The following DYRK3 variants were observed in gnomAD, a reference collection of about 807,000 sequenced individuals.
DYRK3 encodes dual specificity tyrosine-phosphorylation-regulated kinase 3.
A neutral mutation model predicts 40.8 loss-of-function variants in DYRK3; 30 were observed. The observed-to-expected ratio is 0.74, with a 90% CI of 0.55 to 1.00. DYRK3 has a LOEUF of 1.00. Among genes scored for constraint, DYRK3 ranks in the 50% least tolerant of loss-of-function variants. The pLI, the probability that DYRK3 is intolerant of heterozygous loss-of-function variation, is 0.00. For synonymous variants in DYRK3, 272 were observed against 260.7 expected, an observed-to-expected ratio of 1.04 and a Z score of -0.42; for missense variants, 699 against 731.5, an observed-to-expected ratio of 0.96 and a Z score of 0.51.
intron 2 of DYRK3, among the ~76,000 whole-genome samples, chr1:206,646,663 T>G (rs1671464763): frequency 6.6e-6 from 1 of 152,166 alleles, no homozygotes; most frequent in Non-Finnish European, 1.5e-5. Context: ...TTGAGCACGT[T>G]GTTGATTCCA....
intron 1 of DYRK3, chr1:206,636,099 T>G: frequency 6.8e-7 from 1 of 1,466,058 alleles, no homozygotes; most frequent in Admixed American, 1.8e-5. Flanking sequence ...TTGTGGGGCT[T>G]TTTATTAAAG....
chr1:206,637,726 A>T lies in DYRK3; in HGVS notation c.154A>T (p.Asn52Tyr), dbSNP rs782677168. The T allele has an allele frequency of 6.2e-7, 1 of 1,614,046 alleles. No individual in the cohort carries two copies. The highest frequency in any genetic ancestry group is 8.5e-7 in the Non-Finnish European group (1 of 1,179,926). Reference sequence around the variant, plus strand: ...TCCCCCCTGTTCAAATGTACTCTGCAATCCTTCTGAACCACCTCCACCCAG... The same window carrying T: ...TCCCCCCTGTTCAAATGTACTCTGCTATCCTTCTGAACCACCTCCACCCAG... The part of the protein sequence containing the change: ...KCPPCSNVLC[N>Y]PSEPPPPRRL... The change falls in exon 2 of 3, where the codon AAT becomes TAT. Residue 52 changes from asparagine to tyrosine, a missense_variant. Transcript: ENST00000367109.
rs1553420530 is a variant in DYRK3 at position 206,648,057 on chromosome 1, G to C, written c.859G>C (p.Ala287Pro). ...CACATTCCGGAACCATGTTTGCATG[G>C]CCTTTGAATTGCTGAGCATAGACCT... The part of the protein sequence containing the change: ...SFTFRNHVCM[A>P]FELLSIDLYE... The change falls in exon 3 of 3, where the codon GCC becomes CCC. Residue 287 changes from alanine (A) to proline (P), a missense_variant. Coordinates refer to ENST00000367109, the MANE Select transcript of DYRK3 (RefSeq NM_003582.4). 2 of 1,614,102 alleles carry C rather than the reference G, an allele frequency of 1.2e-6. No individual in the cohort carries two copies. Among genetic ancestry groups the C allele is most frequent in the African/African-American group, 1.3e-5 (1 of 74,990 alleles).
rs934646077 is a variant in DYRK3 at position 206,648,507 on chromosome 1, A to G, written c.1309A>G (p.Lys437Glu). The G allele has an allele frequency of 6.2e-7, 1 of 1,614,056 alleles. No homozygotes were observed. The highest frequency in any genetic ancestry group is 1.3e-5 in the African/African-American group (1 of 74,914). ...ACCACCAAAACTTCTGGAGCAATCC[A>G]AACGTGCCAAGTACTTTATTAATTC... ...MPPPKLLEQS[K>E]RAKYFINSKG... is the part of the protein sequence containing the mutation. Residue 437 changes from lysine (K) to glutamate (E), a missense_variant, in exon 3 of 3, where the codon AAA becomes GAA. Lys to Glu is a moderately conservative substitution (Grantham distance 56, BLOSUM62 1). Transcript: ENST00000367109.
At chr1:206,636,139 A>G (rs1430096513) in intron 1 of DYRK3, 1 of 1,169,680 alleles carries the variant, frequency 8.5e-7, no homozygotes, top group East Asian at 3.8e-5. Context: ...TACCTTGGAA[A>G]GAAGCCCTGT....
Position 206,648,443 on chromosome 1 carries a change from A to C in DYRK3, c.1245A>C (p.Gly415=). 6.2e-7 allele frequency: 1 copy of C among 1,614,210 alleles called. No homozygotes were observed. The highest frequency in any genetic ancestry group is 8.5e-7 in the Non-Finnish European group (1 of 1,180,030). ...CTCTCTTCCCTGGAGAGGATGAAGG[A>C]GACCAGTTGGCCTGCATGATGGAGC... ...GQPLFPGEDE[G]DQLACMMELL... is the part of the protein sequence containing the mutation. The change falls in exon 3 of 3, where the codon GGA becomes GGC. Residue 415 remains glycine (G), a synonymous_variant. Coordinates refer to ENST00000367109, the MANE Select transcript of DYRK3 (RefSeq NM_003582.4).
chr1:206,643,139 C>A (rs1671338056), intron 2 of DYRK3, among the ~76,000 whole-genome samples: 1 of 151,898 alleles, frequency 6.6e-6, no homozygotes, highest in African/African-American at 2.4e-5. Flanking sequence ...TGAGGTAAGG[C>A]AGATGTAGTG....
intron 2 of DYRK3, 74 bp downstream of exon 2, chr1:206,637,835 C>T (rs1391776962): frequency 3.3e-6 from 4 of 1,194,492 alleles, no homozygotes; most frequent in Non-Finnish European, 4.9e-6. Context: ...GCTCAAGGTA[C>T]ACTTATGTAT....
At chr1:206,639,928 CTTTTTTTTTTT>C (rs1166474916) in intron 2 of DYRK3, among the ~76,000 whole-genome samples, 2 of 87,500 alleles carry the variant, frequency 2.3e-5, no homozygotes, top group South Asian at 4.0e-4. Flanking sequence ...TTACTCATTT[CTTTTTTTTTTT>C]TTTTTTTTTT....
Position 206,654,946 on chromosome 1 carries a change from A to C in DYRK3, c.*5981A>C, listed in dbSNP as rs1287432995. Among the ~76,000 whole-genome samples the C allele has an allele frequency of 2.6e-5, 4 of 152,198 alleles. No homozygotes were observed. Among genetic ancestry groups the C allele is most frequent in the African/African-American group, 4.8e-5 (2 of 41,452 alleles). ...GACTAAAAAGAAAGGAGAGTCCCAC[A>C]TCAGGCCAAGTGGTGACCTGTGGCT... On this transcript the variant is annotated 3_prime_UTR_variant, in exon 3 of 3. Transcript: ENST00000367109.
Position 206,647,759 on chromosome 1 carries a change from T to C in DYRK3, c.561T>C (p.Asn187=). 1 of 1,614,090 alleles carries C rather than the reference T, an allele frequency of 6.2e-7. No homozygotes were observed. Among genetic ancestry groups the C allele is most frequent in the Non-Finnish European group, 8.5e-7 (1 of 1,180,014 alleles). The change falls in exon 3 of 3, where the codon AAT becomes AAC. Residue 187 remains asparagine (N), a synonymous_variant. Transcript: ENST00000367109. ...KRHGVIGGPN[N]GGYDDADGAY... Reference sequence around the variant, plus strand: ...ATGGAGTTATTGGTGGTCCCAATAATGGAGGGTATGATGATGCAGATGGGG... The same window carrying C: ...ATGGAGTTATTGGTGGTCCCAATAACGGAGGGTATGATGATGCAGATGGGG...
At position 206,635,693 on chromosome 1, in the gene DYRK3, C is replaced by G. The variant is rs200512889; in HGVS notation, c.-11C>G. 1 of 1,246,038 alleles carries G rather than the reference C, an allele frequency of 8.0e-7. No individual in the cohort carries two copies. Among genetic ancestry groups the G allele is most frequent in the South Asian group, 4.0e-5 (1 of 25,060 alleles). The allele number at this position is 1,246,038 out of a possible 1,614,324, so 77.2% of individuals were successfully genotyped here. On this transcript the variant is annotated 5_prime_UTR_variant, in exon 1 of 3. Coordinates refer to ENST00000367109, the MANE Select transcript of DYRK3 (RefSeq NM_003582.4). ...TGGCGCCTCTCCCCGCGCGGGGTCCCGAGCTAGGAGATGGGAGGCACAGCT... is the reference window on the plus strand; with the variant it reads ...TGGCGCCTCTCCCCGCGCGGGGTCCGGAGCTAGGAGATGGGAGGCACAGCT...
In DYRK3 at chr1:206,653,832, T is replaced by C. The variant is rs747966971; in HGVS notation, c.*4867T>C. Among the ~76,000 whole-genome samples, 2 of 152,234 alleles carry C rather than the reference T, an allele frequency of 1.3e-5. No individual in the cohort carries two copies. The highest frequency in any genetic ancestry group is 2.1e-4 in the South Asian group (1 of 4,832). The stretch of plus-strand genomic sequence containing the variant: ...TTGACTTATGACCATATTAGTATGC[T>C]TTATTCCTTGGTGTTTAAGGGAGTT... On this transcript the variant is annotated 3_prime_UTR_variant, in exon 3 of 3. Transcript: ENST00000367109.
At chr1:206,636,182 TG>T in intron 1 of DYRK3, 2 of 747,104 alleles carry the variant, frequency 2.7e-6, no homozygotes, top group Non-Finnish European at 4.3e-6. Flanking sequence ...GCTGAACTCT[TG>T]GGGTTTGCTG....
chr1:206,635,986 G>C, intron 1 of DYRK3: 1 of 1,350,178 alleles, frequency 7.4e-7, no homozygotes, highest in Non-Finnish European at 9.5e-7. Context: ...CGCGGGGGAC[G>C]GGGCTAGAGC....
At position 206,648,989 on chromosome 1, in the gene DYRK3, G is replaced by A. The variant is rs1355592372; in HGVS notation, c.*24G>A. ...AGTGGACAGAGATATGCCCAGAGATGCATATGTGTATATTTTTATGATCTT... is the reference window on the plus strand; with the variant it reads ...AGTGGACAGAGATATGCCCAGAGATACATATGTGTATATTTTTATGATCTT... On this transcript the variant is annotated 3_prime_UTR_variant, in exon 3 of 3. Coordinates refer to ENST00000367109, the MANE Select transcript of DYRK3 (RefSeq NM_003582.4). 1.3e-6 allele frequency: 2 copies of A among 1,562,858 alleles called. No individual in the cohort carries two copies. The highest frequency in any genetic ancestry group is 2.3e-5 in the East Asian group (1 of 44,056).
chr1:206,648,809 A>G lies in DYRK3; in HGVS notation c.1611A>G (p.Ser537=), dbSNP rs199768627. Residue 537 remains serine (S), a synonymous_variant, in exon 3 of 3, where the codon TCA becomes TCG. Coordinates refer to ENST00000367109, the MANE Select transcript of DYRK3 (RefSeq NM_003582.4). ...CTCTCACCACCATAGACAAGGTGTC[A>G]GGGAAACGGGTAGTTAATCCTGCAA... The part of the protein sequence containing the change: ...PRPLTTIDKV[S]GKRVVNPASA... 1 of 1,614,230 alleles carries G rather than the reference A, an allele frequency of 6.2e-7. No individual in the cohort carries two copies.
chr1:206,638,135 T>C (rs1671169587), intron 2 of DYRK3, among the ~76,000 whole-genome samples: 1 of 152,126 alleles, frequency 6.6e-6, no homozygotes, highest in Admixed American at 6.5e-5. Context: ...CTGCAGGAGT[T>C]TTTTTTCCCC....
rs56079317 is a variant in DYRK3 at position 206,647,893 on chromosome 1, G to A, written c.695G>A (p.Arg232Gln). 4,500 of 1,613,946 alleles carry A rather than the reference G, an allele frequency of 2.8e-3. 116 individuals are homozygous for A. In the African/African-American group the frequency reaches 0.053, roughly 19 times the overall value. ...QVARVYDHKL[R>Q]QYVALKMVRN... ...GCCAGGGTCTATGATCACAAACTTCGACAGTACGTGGCCCTAAAAATGGTG... is the reference window on the plus strand; with the variant it reads ...GCCAGGGTCTATGATCACAAACTTCAACAGTACGTGGCCCTAAAAATGGTG... Residue 232 changes from arginine to glutamine, a missense_variant, in exon 3 of 3, where the codon CGA becomes CAA. By Grantham distance (43) the Arg-to-Gln change is conservative (BLOSUM62 1). Coordinates refer to ENST00000367109, the MANE Select transcript of DYRK3 (RefSeq NM_003582.4).
Sources: allele counts gnomAD v4.1 joint callset (sites outside exome capture counted in the v4.1 genomes callset), GRCh38; gene constraint gnomAD v4.1.1; transcripts MANE v1.5; gene names NCBI Gene and HGNC (gene_info 2026-07-23, HGNC 2026-07-21).